Variants in STPG2 observed in about 807,000 individuals in gnomAD.
STPG2 encodes the protein sperm-tail PG-rich repeat-containing protein 2.
In STPG2, 56 loss-of-function variants were observed where a neutral mutation model predicts 54.2. The observed-to-expected ratio is 1.03, with a 90% CI of 0.83 to 1.29. The LOEUF is 1.29. STPG2 is among the 50% of genes most tolerant of loss of function. The pLI is 0.00. For synonymous variants in STPG2, 200 were observed against 181.8 expected, an observed-to-expected ratio of 1.10 and a Z score of -0.81; for missense variants, 596 against 544.9, an observed-to-expected ratio of 1.09 and a Z score of -0.93.
At chr4:97,649,190 T>C (rs557498367) in intron 10 of STPG2, among the ~76,000 whole-genome samples, 1 of 152,282 alleles carries the variant, frequency 6.6e-6, no homozygotes, top group South Asian at 2.1e-4. Context: ...ATAACATTTA[T>C]TATCTTAATT....
At position 98,123,403 on chromosome 4, in the gene STPG2, G is replaced by C. The variant is rs571683803; in HGVS notation, c.387+5025C>G. On this transcript the variant is annotated intron_variant, in intron 3 of 10. Transcript: ENST00000295268. ...GTACATTGTCTCTTTGTTCTCTTTA[G>C]TTTCAAAGAACTTCTTGATTTATGC... Among the ~76,000 whole-genome samples, 5 of 152,200 alleles carry C rather than the reference G, an allele frequency of 3.3e-5. No individual in the cohort carries two copies. The East Asian group carries it at 9.7e-4, about 29-fold the overall frequency.
rs1438063274 is a variant in STPG2, at chr4:98,115,703, T to TA, written c.388-6399dup. On this transcript the variant is annotated intron_variant, in intron 3 of 10. Coordinates refer to ENST00000295268, the MANE Select transcript of STPG2 (RefSeq NM_174952.3). ...TTATTTCAAAAAGCAAGCAAAGAGT[T>TA]ACCCAGAATTATCGAAAATTCAGAT... Among the ~76,000 whole-genome samples the TA allele has an allele frequency of 1.1e-4, 16 of 152,076 alleles. 1 individual carries two copies. The South Asian group carries it at 2.7e-3, about 26-fold the overall frequency.
intron 5 of STPG2, among the ~76,000 whole-genome samples, chr4:98,036,145 G>A (rs1301745610): frequency 6.6e-6 from 1 of 151,562 alleles, no homozygotes; most frequent in Non-Finnish European, 1.5e-5. Context: ...GAGAAAAAAA[G>A]TCAAAAAAAT....
intron 10 of STPG2, among the ~76,000 whole-genome samples, chr4:97,602,239 C>T (rs750259251): frequency 1.5e-4 from 23 of 151,850 alleles, no homozygotes; most frequent in South Asian, 2.1e-4. Context: ...GTATCTATCA[C>T]TAATGTTTCC....
At chr4:97,550,041 TTAAA>T (rs1189444326) in intron 4 of STPG2, among the ~76,000 whole-genome samples, 2 of 152,064 alleles carry the variant, frequency 1.3e-5, no homozygotes, top group African/African-American at 4.8e-5. Flanking sequence ...TTAATATCAA[TTAAA>T]TAAAAAGATG....
At position 97,544,468 on chromosome 4, in the gene STPG2, T is replaced by C. The variant is rs1213231282; in HGVS notation, c.462+168231A>G. ...TCATGAGGGAAACACAGAAACCATATAAAATGTTCCAGAGGACTAGAAAAA... is the reference window on the plus strand; with the variant it reads ...TCATGAGGGAAACACAGAAACCATACAAAATGTTCCAGAGGACTAGAAAAA... On this transcript the variant is annotated intron_variant, in intron 4 of 4. Transcript: ENST00000522676. 2.6e-5 allele frequency among the ~76,000 whole-genome samples: 4 copies of C among 152,082 alleles called. No homozygotes were observed. In the East Asian group the frequency reaches 7.7e-4, roughly 29 times the overall value.
intron 9 of STPG2, among the ~76,000 whole-genome samples, chr4:97,786,614 G>C (rs1726831984): frequency 6.6e-6 from 1 of 152,036 alleles, no homozygotes; most frequent in African/African-American, 2.4e-5. Context: ...TTCGGAGTAG[G>C]GTGAAAGAGT....
intron 10 of STPG2, among the ~76,000 whole-genome samples, chr4:97,667,338 A>T (rs912377503): frequency 2.0e-5 from 3 of 152,216 alleles, no homozygotes; most frequent in Non-Finnish European, 4.4e-5. Flanking sequence ...TAAACTTACT[A>T]CTTTAAGTAC....
chr4:97,564,021 T>G (rs1463957662), intron 10 of STPG2, among the ~76,000 whole-genome samples: 3 of 152,198 alleles, frequency 2.0e-5, no homozygotes, highest in African/African-American at 7.2e-5. Flanking sequence ...CTGTCTAATG[T>G]TGACAGTGGG....
intron 5 of STPG2, among the ~76,000 whole-genome samples, chr4:98,022,979 G>A (rs988757992): frequency 5.3e-5 from 8 of 151,998 alleles, no homozygotes; most frequent in Non-Finnish European, 7.4e-5. Flanking sequence ...CCTGTAGCTC[G>A]GAGTAGTTTG....
chr4:97,799,366 A>G (rs1432431035), intron 9 of STPG2, among the ~76,000 whole-genome samples: 2 of 152,182 alleles, frequency 1.3e-5, no homozygotes, highest in Non-Finnish European at 2.9e-5. Context: ...GAGCTCTTGT[A>G]GGACAGGCCT....
intron 4 of STPG2, among the ~76,000 whole-genome samples, chr4:97,482,898 T>A (rs187385429): frequency 2.6e-5 from 4 of 151,866 alleles, no homozygotes; most frequent in Admixed American, 2.6e-4. Flanking sequence ...ATTGGGGTCC[T>A]ATCTTCAGCC....
At chr4:97,527,155 C>T (rs553723476) in intron 4 of STPG2, among the ~76,000 whole-genome samples, 8 of 152,028 alleles carry the variant, frequency 5.3e-5, no homozygotes, top group Admixed American at 1.3e-4. Context: ...CCCTAGCCCC[C>T]CACCAACTGA....
intron 10 of STPG2, among the ~76,000 whole-genome samples, chr4:97,565,389 G>A (rs1042358049): frequency 6.6e-6 from 1 of 152,046 alleles, no homozygotes; most frequent in Admixed American, 6.6e-5. Flanking sequence ...ATTTCCTCCT[G>A]TAGCTCGGAG....
chr4:98,009,456 G>A (rs182603130), intron 5 of STPG2, among the ~76,000 whole-genome samples: 80 of 151,848 alleles, frequency 5.3e-4, no homozygotes, highest in Non-Finnish European at 9.0e-4. Flanking sequence ...ACTTAATATA[G>A]TTTCACTCTT....
chr4:97,731,082 C>A (rs775296656), intron 9 of STPG2, among the ~76,000 whole-genome samples: 1 of 152,320 alleles, frequency 6.6e-6, no homozygotes, highest in Non-Finnish European at 1.5e-5. Context: ...CTGACTTTAT[C>A]AGTTGCCACA....
intron 3 of STPG2, among the ~76,000 whole-genome samples, chr4:98,109,880 A>G (rs1194568235): frequency 6.6e-6 from 1 of 152,122 alleles, no homozygotes; most frequent in Admixed American, 6.6e-5. Flanking sequence ...CATGAGAAAT[A>G]ATCATCTTTC....
chr4:97,913,030 T>A (rs1214082122), intron 8 of STPG2, among the ~76,000 whole-genome samples: 1 of 152,236 alleles, frequency 6.6e-6, no homozygotes, highest in Non-Finnish European at 1.5e-5. Context: ...TTTACGCTGA[T>A]GTCTATCTTC....
intron 6 of STPG2, among the ~76,000 whole-genome samples, chr4:97,978,179 A>G (rs182658754): frequency 6.0e-4 from 91 of 152,286 alleles, no homozygotes; most frequent in Middle Eastern, 3.4e-3. Context: ...TATATACCCA[A>G]AGGAATATAA....
Sources: gnomAD v4.1 joint callset for allele counts (sites outside exome capture counted in the v4.1 genomes callset) on GRCh38, gnomAD v4.1.1 for gene constraint, MANE v1.5 for transcripts, NCBI Gene and HGNC (gene_info 2026-07-23, HGNC 2026-07-21) for gene names.